The following IPCEF1 variants were observed in gnomAD, a reference collection of about 807,000 sequenced individuals.
The protein encoded by IPCEF1 is interaction protein for cytohesin exchange factors 1.
A neutral mutation model predicts 50.9 loss-of-function variants in IPCEF1; 31 were observed. The observed-to-expected ratio is 0.61, with a 90% CI of 0.46 to 0.82. IPCEF1 has a LOEUF of 0.82. Among genes scored for constraint, IPCEF1 ranks in the 40% least tolerant of loss-of-function variants. The pLI, the probability that IPCEF1 is intolerant of heterozygous loss-of-function variation, is 0.00. For synonymous variants in IPCEF1, 181 were observed against 192.0 expected (o/e 0.94, Z 0.47); for missense variants, 458 against 514.0 (o/e 0.89, Z 1.05).
chr6:154,336,519 G>T (rs1012694515), intron 1 of IPCEF1, among the ~76,000 whole-genome samples: 1 of 152,118 alleles, frequency 6.6e-6, no homozygotes, highest in African/African-American at 2.4e-5. Context: ...GGCTGGGAAG[G>T]GTATGTGTGT....
At chr6:154,311,071 A>G (rs74779060) in intron 1 of IPCEF1, among the ~76,000 whole-genome samples, 4,292 of 152,268 alleles carry the variant, frequency 0.028, 198 homozygotes, top group African/African-American at 0.096. Flanking sequence ...TCTTGATTGA[A>G]TCTTTCTACA....
At chr6:154,194,492 A>G (rs1776428124) in intron 10 of IPCEF1, among the ~76,000 whole-genome samples, 1 of 151,904 alleles carries the variant, frequency 6.6e-6, no homozygotes, top group African/African-American at 2.4e-5. Context: ...TGAACCTACT[A>G]CCTTCCTTTT....
chr6:154,189,095 A>G (rs1164101031), intron 10 of IPCEF1, among the ~76,000 whole-genome samples: 1 of 152,250 alleles, frequency 6.6e-6, no homozygotes, highest in African/African-American at 2.4e-5. Flanking sequence ...AGTATCCAGA[A>G]TGTATACATT....
chr6:154,267,827 A>C (rs1027288525), intron 2 of IPCEF1, among the ~76,000 whole-genome samples: 1 of 152,064 alleles, frequency 6.6e-6, no homozygotes, highest in Non-Finnish European at 1.5e-5. Flanking sequence ...GGTAGTCCCA[A>C]TGTCTCTGCA....
intron 1 of IPCEF1, among the ~76,000 whole-genome samples, chr6:154,329,673 AAC>A (rs1783612082): frequency 6.6e-6 from 1 of 152,132 alleles, no homozygotes; most frequent in African/African-American, 2.4e-5. Flanking sequence ...CTAAAAAAAA[AAC>A]AGTTTTGTTA....
intron 1 of IPCEF1, among the ~76,000 whole-genome samples, chr6:154,345,027 A>G (rs1783999853): frequency 6.6e-6 from 1 of 152,066 alleles, no homozygotes; most frequent in Non-Finnish European, 1.5e-5. Context: ...ACGCCATCAC[A>G]CCCAGCTAAT....
chr6:154,192,254 C>A (rs1801954583), intron 10 of IPCEF1, among the ~76,000 whole-genome samples: 1 of 151,976 alleles, frequency 6.6e-6, no homozygotes, highest in African/African-American at 2.4e-5. Flanking sequence ...CAATACCCCA[C>A]ACCCTCACAA....
At chr6:154,322,472 T>C (rs1039837176) in intron 1 of IPCEF1, among the ~76,000 whole-genome samples, 4 of 151,986 alleles carry the variant, frequency 2.6e-5, no homozygotes, top group African/African-American at 9.7e-5. Flanking sequence ...CTGGCAGCAT[T>C]AACCAATGTA....
At chr6:154,180,881 G>A (rs1216572487) in intron 10 of IPCEF1, among the ~76,000 whole-genome samples, 2 of 152,018 alleles carry the variant, frequency 1.3e-5, no homozygotes, top group African/African-American at 4.8e-5. Context: ...TGCAACACTT[G>A]GAAAAATTTA....
chr6:154,201,079 C>T (rs1350455457), intron 9 of IPCEF1, among the ~76,000 whole-genome samples: 2 of 152,156 alleles, frequency 1.3e-5, no homozygotes, highest in East Asian at 3.9e-4. Flanking sequence ...CTGCTGCCAC[C>T]ATGTAAGATG....
At chr6:154,310,676 A>C (rs192271415) in intron 1 of IPCEF1, among the ~76,000 whole-genome samples, 1 of 152,266 alleles carries the variant, frequency 6.6e-6, no homozygotes, top group Non-Finnish European at 1.5e-5. Context: ...ACAGACCTAA[A>C]AAAGAAGGAG....
chr6:154,338,747 C>T (rs1003222819), intron 1 of IPCEF1, among the ~76,000 whole-genome samples: 2 of 152,082 alleles, frequency 1.3e-5, no homozygotes, highest in African/African-American at 4.8e-5. Context: ...ATGATGAAAA[C>T]TTGTCTCCAA....
At chr6:154,259,484 C>A (rs1781541109) in intron 3 of IPCEF1, among the ~76,000 whole-genome samples, 1 of 152,102 alleles carries the variant, frequency 6.6e-6, no homozygotes, top group South Asian at 2.1e-4. Flanking sequence ...GAAGCCCTGT[C>A]TCTACTAAAA....
intron 5 of IPCEF1, among the ~76,000 whole-genome samples, chr6:154,234,374 T>C (rs1466610746): frequency 1.3e-5 from 2 of 152,160 alleles, no homozygotes. Flanking sequence ...TTCTACCCTC[T>C]CTCACTTCCC....
intron 10 of IPCEF1, among the ~76,000 whole-genome samples, chr6:154,195,861 G>A (rs1479948221): frequency 2.0e-5 from 3 of 149,922 alleles, no homozygotes; most frequent in Non-Finnish European, 3.0e-5. Context: ...GTGCAATCTC[G>A]GCTCACTGCA....
intron 10 of IPCEF1, among the ~76,000 whole-genome samples, chr6:154,199,139 A>G (rs1233257996): frequency 6.6e-6 from 1 of 152,182 alleles, no homozygotes; most frequent in African/African-American, 2.4e-5. Flanking sequence ...TCTCCTTTAT[A>G]TGTAAAGGTT....
intron 1 of IPCEF1, among the ~76,000 whole-genome samples, chr6:154,319,406 T>A (rs1019362301): frequency 6.6e-6 from 1 of 152,254 alleles, no homozygotes; most frequent in Admixed American, 6.5e-5. Flanking sequence ...AGCATCTACA[T>A]CTGTTTCTCA....
At chr6:154,328,608 G>A (rs1783581013) in intron 1 of IPCEF1, among the ~76,000 whole-genome samples, 1 of 150,604 alleles carries the variant, frequency 6.6e-6, no homozygotes, top group Admixed American at 6.6e-5. Context: ...AAAAAAAAAT[G>A]TTAAGGAAAT....
rs984072110 is a variant in IPCEF1, at chr6:154,168,999, A to G, written c.911-886T>C. Among the ~76,000 whole-genome samples the G allele has an allele frequency of 5.9e-5, 9 of 151,682 alleles. No homozygotes were observed. The highest frequency in any genetic ancestry group is 4.6e-4 in the Admixed American group (7 of 15,218). On this transcript the variant is annotated intron_variant, in intron 10 of 11. Coordinates refer to ENST00000367220, the MANE Select transcript of IPCEF1 (RefSeq NM_001130700.2). The surrounding 1 kb of genome is among the most constrained non-coding windows in gnomAD (Gnocchi z 4.1). Reference sequence around the variant, plus strand: ...TGTGTTTCTCACGTGCAATATATTCACCTCATCCCAACAACTCCAAAAGTC... The same window carrying G: ...TGTGTTTCTCACGTGCAATATATTCGCCTCATCCCAACAACTCCAAAAGTC...
Sources: gnomAD v4.1 joint callset for allele counts (sites outside exome capture counted in the v4.1 genomes callset) on GRCh38, gnomAD v4.1.1 for gene constraint, Gnocchi (gnomAD v3.1) non-coding constraint, MANE v1.5 for transcripts, NCBI Gene and HGNC (gene_info 2026-07-23, HGNC 2026-07-21) for gene names.